Variants in SEMA3D observed in about 807,000 individuals in gnomAD.
SEMA3D encodes the protein semaphorin 3D.
In SEMA3D, 84 loss-of-function variants were observed where a neutral mutation model predicts 100.1. The ratio of observed to expected loss-of-function variants is 0.84; its 90% CI spans 0.70 to 1.01. SEMA3D has a LOEUF of 1.01. SEMA3D is among the 50% of genes least tolerant of loss of function. The probability of loss-of-function intolerance (pLI) is 0.00; values close to 1 mark genes in which losing one functional copy is unlikely to be tolerated. For missense variants in SEMA3D, 875 were observed against 934.1 expected, an observed-to-expected ratio of 0.94 and a Z score of 0.82; for synonymous variants, 312 against 320.7, an observed-to-expected ratio of 0.97 and a Z score of 0.29.
At chr7:85,014,334 C>A (rs1225846344) in intron 16 of SEMA3D, among the ~76,000 whole-genome samples, 1 of 151,770 alleles carries the variant, frequency 6.6e-6, no homozygotes, top group Non-Finnish European at 1.5e-5. Context: ...GTATATTTAG[C>A]TAGCATCAGG....
intron 18 of SEMA3D, 122 bp downstream of exon 18, chr7:85,006,679 TA>T: frequency 2.6e-6 from 2 of 764,382 alleles, no homozygotes; most frequent in Non-Finnish European, 3.8e-6. Context: ...TGTTAGTGAG[TA>T]AAACCTGTTA....
the SEMA3D span, among the ~76,000 whole-genome samples, chr7:85,235,442 T>C: frequency 1.1e-4 from 16 of 152,150 alleles, no homozygotes; most frequent in Non-Finnish European, 2.1e-4. Context: ...ACAAAAAAGA[T>C]CATTAGTTTG....
At chr7:85,100,213 C>T (rs1328922739) in intron 3 of SEMA3D, among the ~76,000 whole-genome samples, 5 of 151,800 alleles carry the variant, frequency 3.3e-5, no homozygotes, top group Non-Finnish European at 7.4e-5. Context: ...ACAAATGAAG[C>T]TCTTTAATCC....
rs1246248814 is a variant in SEMA3D, at chr7:85,121,828, A to G, written c.64T>C (p.Leu22=). Residue 22 remains leucine, a synonymous_variant, in exon 3 of 19, where the codon TTG becomes CTG. Transcript: ENST00000284136. ...RSQDFHLFPA[L]MMLSMTMLFL... ...AACATGGTCATGCTTAGCATCATCAAAGCAGGAAAAAGGTGAAAATCTTGG... is the reference window on the plus strand; with the variant it reads ...AACATGGTCATGCTTAGCATCATCAGAGCAGGAAAAAGGTGAAAATCTTGG... The G allele has an allele frequency of 6.2e-7, 1 of 1,609,200 alleles. No individual in the cohort carries two copies.
At position 85,037,019 on chromosome 7, in the gene SEMA3D, C is replaced by A. The variant is rs367600982; in HGVS notation, c.1061G>T (p.Gly354Val). 6.2e-7 allele frequency: 1 copy of A among 1,611,164 alleles called. No individual in the cohort carries two copies. The highest frequency in any genetic ancestry group is 1.3e-5 in the African/African-American group (1 of 74,842). The change falls in exon 12 of 19, where the codon GGC becomes GTC. Residue 354 changes from glycine (G) to valine (V), a missense_variant. Coordinates refer to ENST00000284136, the MANE Select transcript of SEMA3D (RefSeq NM_001384900.1). ...VFTTTSSIFK[G>V]SAVCVYSMAD... is the part of the protein sequence containing the mutation. ...CATGCTATACACACAAACAGCAGAG[C>A]CTTTGAAGATGGAGCTGGAAAAAAA...
intron 2 of SEMA3D, among the ~76,000 whole-genome samples, chr7:85,149,628 A>G (rs1184827260): frequency 6.6e-6 from 1 of 152,146 alleles, no homozygotes; most frequent in African/African-American, 2.4e-5. Context: ...ATGGACTGAG[A>G]AAAATCAGAA....
At chr7:85,160,652 C>T (rs1348335967) in intron 1 of SEMA3D, among the ~76,000 whole-genome samples, 1 of 151,966 alleles carries the variant, frequency 6.6e-6, no homozygotes, top group South Asian at 2.1e-4. Context: ...TGGGACTGCA[C>T]CTGGTGTTCA....
intron 14 of SEMA3D, among the ~76,000 whole-genome samples, chr7:85,019,655 C>T (rs1454112865): frequency 6.6e-6 from 1 of 151,660 alleles, no homozygotes. Context: ...CTTAATTTTA[C>T]TGAGGATTTA....
chr7:85,028,925 T>A (rs1214335760), intron 12 of SEMA3D: 4 of 267,148 alleles, frequency 1.5e-5, no homozygotes, highest in African/African-American at 9.1e-5. Context: ...TCAACCCTCA[T>A]GAAGCTGTTG....
At chr7:85,152,641 T>G (rs73379844) in intron 2 of SEMA3D, among the ~76,000 whole-genome samples, 3,314 of 152,250 alleles carry the variant, frequency 0.022, 107 homozygotes, top group African/African-American at 0.072. Flanking sequence ...TTGCCAAGAT[T>G]ACATACAAGC....
intron 2 of SEMA3D, among the ~76,000 whole-genome samples, chr7:85,122,746 C>T (rs750737496): frequency 6.6e-6 from 1 of 152,050 alleles, no homozygotes; most frequent in South Asian, 2.1e-4. Flanking sequence ...AGGCCTGGAA[C>T]AATGCAATGT....
chr7:85,236,281 T>TTTTTTTTA, the SEMA3D span, among the ~76,000 whole-genome samples: 8 of 131,976 alleles, frequency 6.1e-5, no homozygotes, highest in Admixed American at 3.7e-4. Flanking sequence ...TTTTATTTTA[T>TTTTTTTTA]TTTATTTATT....
intron 18 of SEMA3D, 150 bp from the exon 19 acceptor site, chr7:85,000,015 T>C (rs1002403990): frequency 3.7e-5 from 26 of 709,278 alleles, no homozygotes; most frequent in Middle Eastern, 4.0e-4. Context: ...TTGTCAGCCA[T>C]AGTTAAAAAG....
Position 85,055,639 on chromosome 7 carries a change from C to CAT in SEMA3D, c.861+76_861+77dup, listed in dbSNP as rs1390496057. On this transcript the variant is annotated intron_variant, in intron 9 of 18. Transcript: ENST00000284136. ...GGCTTAAACCTTGCCAAAGTTTTTT[C>CAT]ATATACATATATATATATATATATA... is the stretch of plus-strand genomic sequence containing the variant. The CAT allele has an allele frequency of 2.1e-3, 352 of 164,888 alleles. 7 individuals carry two copies. The highest frequency in any genetic ancestry group is 0.018 in the African/African-American group (320 of 18,016). The allele number at this position is 164,888 out of a possible 1,614,324, so 10.2% of individuals were successfully genotyped here.
intron 3 of SEMA3D, among the ~76,000 whole-genome samples, chr7:85,108,906 A>T (rs1789009114): frequency 6.6e-6 from 1 of 151,818 alleles, no homozygotes; most frequent in African/African-American, 2.4e-5. Context: ...TCATACAAAG[A>T]AGTGAAGTAC....
upstream of SEMA3D, among the ~76,000 whole-genome samples, chr7:85,187,424 C>T (rs1461155298): frequency 6.6e-6 from 1 of 152,180 alleles, no homozygotes; most frequent in Non-Finnish European, 1.5e-5. Flanking sequence ...AAAACAGTAC[C>T]TGCGTTCCAC....
chr7:85,090,849 G>A (rs1004481958), intron 4 of SEMA3D, among the ~76,000 whole-genome samples: 2 of 152,012 alleles, frequency 1.3e-5, no homozygotes, highest in African/African-American at 4.8e-5. Context: ...AGACAAAGAA[G>A]GGTGTTTAAA....
intron 2 of SEMA3D, among the ~76,000 whole-genome samples, chr7:85,143,611 C>CCTA (rs943896182): frequency 1.3e-5 from 2 of 151,796 alleles, no homozygotes; most frequent in African/African-American, 2.4e-5. Context: ...TATGTGTAGT[C>CCTA]TGTGAGTTGA....
chr7:85,015,861 T>A (rs1294569504), intron 15 of SEMA3D, among the ~76,000 whole-genome samples: 1 of 151,760 alleles, frequency 6.6e-6, no homozygotes, highest in African/African-American at 2.4e-5. Context: ...ATTACTTCCC[T>A]TATACATTCT....
Sources: allele counts gnomAD v4.1 joint callset (sites outside exome capture counted in the v4.1 genomes callset), GRCh38; gene constraint gnomAD v4.1.1; transcripts MANE v1.5; gene names NCBI Gene and HGNC (gene_info 2026-07-23, HGNC 2026-07-21).